CTNNA2: variants seen among roughly 807,000 people sequenced by gnomAD.
CTNNA2 encodes catenin alpha-2.
In CTNNA2, 42 loss-of-function variants were observed where a neutral mutation model predicts 101.0. The ratio of observed to expected loss-of-function variants is 0.42; its 90% CI spans 0.32 to 0.54. The LOEUF is 0.54. Among genes scored for constraint, CTNNA2 ranks in the 20% least tolerant of loss-of-function variants. CTNNA2 has a pLI of 0.14. For missense variants in CTNNA2, 871 were observed against 1,223.1 expected, an observed-to-expected ratio of 0.71 and a Z score of 4.29; for synonymous variants, 450 against 456.4, an observed-to-expected ratio of 0.99 and a Z score of 0.18.
chr2:79,687,955 C>T (rs1280659607), intron 2 of CTNNA2, among the ~76,000 whole-genome samples: 3 of 151,958 alleles, frequency 2.0e-5, no homozygotes, highest in Non-Finnish European at 2.9e-5. Flanking sequence ...TACAAAAGGA[C>T]AACAAACTAT....
intron 4 of CTNNA2, among the ~76,000 whole-genome samples, chr2:79,421,957 A>T (rs1331698451): frequency 6.6e-6 from 1 of 152,200 alleles, no homozygotes; most frequent in Admixed American, 6.5e-5. Context: ...GCTTGAGACC[A>T]GCCTGGCCAA....
intron 3 of CTNNA2, among the ~76,000 whole-genome samples, chr2:79,745,828 A>G (rs949375842): frequency 9.9e-5 from 15 of 152,138 alleles, no homozygotes; most frequent in African/African-American, 3.4e-4. Context: ...GGTTGCTTCC[A>G]CTTTTTGGCT....
intron 4 of CTNNA2, among the ~76,000 whole-genome samples, chr2:79,504,385 T>C (rs1003033041): frequency 6.6e-6 from 1 of 151,914 alleles, no homozygotes; most frequent in African/African-American, 2.4e-5. Context: ...CGCCTCCCGG[T>C]TTCAAGCAAT....
At chr2:80,396,361 G>A (rs1678012449) in intron 8 of CTNNA2, among the ~76,000 whole-genome samples, 1 of 152,160 alleles carries the variant, frequency 6.6e-6, no homozygotes, top group African/African-American at 2.4e-5. Flanking sequence ...ATGGATTTAG[G>A]GGATGATAAC....
At chr2:79,529,774 G>T (rs1481914792) in intron 1 of CTNNA2, among the ~76,000 whole-genome samples, 1 of 151,950 alleles carries the variant, frequency 6.6e-6, no homozygotes, top group Non-Finnish European at 1.5e-5. Flanking sequence ...CACAAGCAAA[G>T]AGAGGCAGTT....
At chr2:80,108,285 C>A (rs1024339397) in intron 7 of CTNNA2, among the ~76,000 whole-genome samples, 1 of 152,180 alleles carries the variant, frequency 6.6e-6, no homozygotes, top group Non-Finnish European at 1.5e-5. Context: ...ACATTGGAAA[C>A]AGTTTTGTTC....
chr2:80,167,232 A>AT (rs1413614370), intron 7 of CTNNA2, among the ~76,000 whole-genome samples: 6 of 152,194 alleles, frequency 3.9e-5, no homozygotes, highest in Non-Finnish European at 8.8e-5. Context: ...ATATTTAAAC[A>AT]TTTTAATTAA....
At chr2:79,243,229 G>A (rs772378316) in intron 2 of CTNNA2, among the ~76,000 whole-genome samples, 1 of 151,970 alleles carries the variant, frequency 6.6e-6, no homozygotes, top group Non-Finnish European at 1.5e-5. Context: ...GGGTGAAAGA[G>A]GAAGAGGTGT....
At chr2:80,399,396 T>C (rs148465800) in intron 8 of CTNNA2, among the ~76,000 whole-genome samples, 375 of 152,302 alleles carry the variant, frequency 2.5e-3, no homozygotes, top group African/African-American at 8.6e-3. Flanking sequence ...AGTGGTTCAA[T>C]TTATTTCTAT....
intron 4 of CTNNA2, among the ~76,000 whole-genome samples, chr2:79,404,470 A>G (rs888845649): frequency 2.6e-5 from 4 of 152,074 alleles, no homozygotes; most frequent in East Asian, 1.9e-4. Context: ...TTTAAAATAT[A>G]TATACAAATT....
At chr2:80,314,474 C>T (rs1407182954) in intron 7 of CTNNA2, among the ~76,000 whole-genome samples, 7 of 152,164 alleles carry the variant, frequency 4.6e-5, no homozygotes, top group Non-Finnish European at 1.0e-4. Flanking sequence ...TTAGGAAACA[C>T]TCCCCTAGTC....
chr2:80,088,372 C>A (rs1699577710), intron 7 of CTNNA2, among the ~76,000 whole-genome samples: 1 of 152,004 alleles, frequency 6.6e-6, no homozygotes, highest in Non-Finnish European at 1.5e-5. Context: ...TAAAGCCCAG[C>A]CTCCGAACCT....
chr2:80,424,229 C>T (rs540349237), intron 9 of CTNNA2, among the ~76,000 whole-genome samples: 2 of 152,310 alleles, frequency 1.3e-5, no homozygotes, highest in South Asian at 4.1e-4. Flanking sequence ...GCTGGGATTA[C>T]AGGCGTGAGC....
At chr2:80,410,311 G>T (rs1429039084) in intron 8 of CTNNA2, among the ~76,000 whole-genome samples, 7 of 152,224 alleles carry the variant, frequency 4.6e-5, no homozygotes, top group Non-Finnish European at 1.5e-5. Context: ...AATAAGAATT[G>T]CTAGAGCAGG....
rs58716617 is a variant in CTNNA2, at chr2:79,701,997, C to CAA, written c.103-42366_103-42365dup. 3.9e-3 allele frequency among the ~76,000 whole-genome samples: 294 copies of CAA among 75,170 alleles called. 2 individuals carry two copies. Among genetic ancestry groups the CAA allele is most frequent in the Non-Finnish European group, 4.7e-3 (190 of 40,276 alleles). The allele number at this position is 75,170 out of a possible 152,430, so 49.3% of individuals were successfully genotyped here. ...AGCCTGGGAGAGCGAGACTCTGTCT[C>CAA]AAAAAAAAAAAAAAAAAAAAAAAAA... On this transcript the variant is annotated intron_variant, in intron 2 of 18. Transcript: ENST00000402739.
At chr2:80,473,235 G>T (rs2149488936) in intron 9 of CTNNA2, among the ~76,000 whole-genome samples, 1 of 152,304 alleles carries the variant, frequency 6.6e-6, no homozygotes, top group South Asian at 2.1e-4. Context: ...CTGGAAGCCA[G>T]ATCATTCCAA....
At chr2:80,126,084 T>G (rs1404946418) in intron 7 of CTNNA2, among the ~76,000 whole-genome samples, 2 of 152,326 alleles carry the variant, frequency 1.3e-5, no homozygotes, top group Non-Finnish European at 2.9e-5. Flanking sequence ...TATAGATTTT[T>G]GCCCTGTGTA....
intron 7 of CTNNA2, among the ~76,000 whole-genome samples, chr2:80,270,904 A>T (rs1673411880): frequency 6.6e-6 from 1 of 152,208 alleles, no homozygotes; most frequent in Admixed American, 6.5e-5. Flanking sequence ...TGTTTATGGG[A>T]CTGGCAATTT....
Position 80,555,685 on chromosome 2 carries a change from C to T in CTNNA2, c.1541-8C>T. 1 of 1,483,854 alleles carries T rather than the reference C, an allele frequency of 6.7e-7. No individual in the cohort carries two copies. Among genetic ancestry groups the T allele is most frequent in the Non-Finnish European group, 9.0e-7 (1 of 1,109,166 alleles). The allele number at this position is 1,483,854 out of a possible 1,614,324, so 91.9% of individuals were successfully genotyped here. On this transcript the variant is annotated splice_polypyrimidine_tract_variant and splice_region_variant and intron_variant, in intron 11 of 18. Transcript: ENST00000402739. ...AGTCATCTAAATGTGTATGTGTCCT[C>T]TCCATAGAAAATCACATCTTGGAGG...
Sources: allele counts gnomAD v4.1 joint callset (sites outside exome capture counted in the v4.1 genomes callset), GRCh38; gene constraint gnomAD v4.1.1; transcripts MANE v1.5; gene names NCBI Gene and HGNC (gene_info 2026-07-23, HGNC 2026-07-21).